DPYD: variants seen among roughly 807,000 people sequenced by gnomAD.
DPYD encodes dihydropyrimidine dehydrogenase [NADP(+)].
In DPYD, 109 loss-of-function variants were observed where a neutral mutation model predicts 116.2. The observed-to-expected ratio is 0.94, with a 90% CI of 0.80 to 1.10. The LOEUF is 1.10. Among genes scored for constraint, DPYD ranks in the 50% least tolerant of loss-of-function variants. DPYD has a pLI of 0.00. For synonymous variants in DPYD, 440 were observed against 432.0 expected, an observed-to-expected ratio of 1.02 and a Z score of -0.23; for missense variants, 1,302 against 1,254.5, an observed-to-expected ratio of 1.04 and a Z score of -0.57.
intron 20 of DPYD, among the ~76,000 whole-genome samples, chr1:97,187,874 T>G (rs931157504): frequency 6.6e-6 from 1 of 152,146 alleles, no homozygotes; most frequent in Non-Finnish European, 1.5e-5. Flanking sequence ...CAAAGGTCAG[T>G]TGACTGTAGA....
intron 20 of DPYD, among the ~76,000 whole-genome samples, chr1:97,115,061 A>G (rs1344680753): frequency 1.3e-5 from 2 of 152,192 alleles, no homozygotes; most frequent in Admixed American, 6.5e-5. Context: ...TTCACAACTG[A>G]AAAAAGGACC....
intron 2 of DPYD, among the ~76,000 whole-genome samples, chr1:97,840,581 T>C (rs1463507871): frequency 6.6e-6 from 1 of 152,160 alleles, no homozygotes; most frequent in Non-Finnish European, 1.5e-5. Context: ...AATTAAAATA[T>C]GTGAAGAAAA....
intron 2 of DPYD, among the ~76,000 whole-genome samples, chr1:97,880,585 G>C (rs1482523300): frequency 6.6e-6 from 1 of 151,684 alleles, no homozygotes; most frequent in East Asian, 2.0e-4. Context: ...ACAGACATCA[G>C]TGCAATAAAT....
At chr1:97,374,886 G>C (rs1444793465) in intron 15 of DPYD, among the ~76,000 whole-genome samples, 3 of 151,792 alleles carry the variant, frequency 2.0e-5, no homozygotes. Context: ...AAGATTAGCT[G>C]GGTGTGGCGG....
chr1:97,079,894 CCTCT>C (rs1649037258), intron 22 of DPYD, among the ~76,000 whole-genome samples: 1 of 151,972 alleles, frequency 6.6e-6, no homozygotes, highest in Non-Finnish European at 1.5e-5. Flanking sequence ...TCCCTCCCTT[CCTCT>C]CTTTTTCTTT....
Position 97,823,165 on chromosome 1 carries a change from T to G in DPYD, c.233+4949A>C, listed in dbSNP as rs189435356. ...TGTTTGTTTTGTTTTTTGTTTTTTG[T>G]TTTTTTTGAGACGGAGTCTCACTCT... On this transcript the variant is annotated intron_variant, in intron 3 of 22. Coordinates refer to ENST00000370192, the MANE Select transcript of DPYD (RefSeq NM_000110.4). Among the ~76,000 whole-genome samples the G allele has an allele frequency of 7.7e-3, 1,152 of 149,766 alleles. 12 individuals are homozygous for G. The highest frequency in any genetic ancestry group is 0.013 in the Non-Finnish European group (860 of 67,912).
intron 10 of DPYD, among the ~76,000 whole-genome samples, chr1:97,581,715 T>C (rs2811208): frequency 0.91 from 131,276 of 144,794 alleles, 60,535 homozygotes; most frequent in Non-Finnish European, 0.99. Flanking sequence ...CACTGCATTC[T>C]GGCCTTGGTG....
intron 8 of DPYD, among the ~76,000 whole-genome samples, chr1:97,597,474 T>C (rs1347480253): frequency 6.6e-6 from 1 of 152,204 alleles, no homozygotes; most frequent in Non-Finnish European, 1.5e-5. Flanking sequence ...ATTGTATAAG[T>C]TCCTGTGAAT....
chr1:97,369,039 C>A (rs1255157750), intron 16 of DPYD, among the ~76,000 whole-genome samples: 3 of 151,998 alleles, frequency 2.0e-5, no homozygotes, highest in African/African-American at 7.2e-5. Flanking sequence ...GAAGGTTCTG[C>A]AGGATGGAAG....
chr1:97,377,542 A>G (rs771272048), intron 15 of DPYD, among the ~76,000 whole-genome samples: 4 of 152,188 alleles, frequency 2.6e-5, no homozygotes, highest in Non-Finnish European at 5.9e-5. Context: ...AACTATCCTG[A>G]GAAATTCTTG....
intron 14 of DPYD, among the ~76,000 whole-genome samples, chr1:97,409,644 T>A (rs74106717): frequency 0.1 from 15,965 of 152,214 alleles, 1,082 homozygotes; most frequent in South Asian, 0.25. Context: ...AAAGCTTAGA[T>A]TCATTCACTG....
At chr1:97,523,790 C>T (rs1648858731) in intron 12 of DPYD, among the ~76,000 whole-genome samples, 2 of 151,984 alleles carry the variant, frequency 1.3e-5, no homozygotes, top group Admixed American at 6.6e-5. Flanking sequence ...GTCCTGTTGT[C>T]CTCTCCACTA....
intron 18 of DPYD, among the ~76,000 whole-genome samples, chr1:97,272,383 TAAG>T (rs1291884211): frequency 1.3e-5 from 2 of 152,122 alleles, no homozygotes; most frequent in African/African-American, 4.8e-5. Flanking sequence ...CTAAACATGT[TAAG>T]AAGTTCATTT....
intron 14 of DPYD, 118 bp downstream of exon 14, chr1:97,449,941 G>A: frequency 7.6e-7 from 1 of 1,324,008 alleles, no homozygotes; most frequent in Non-Finnish European, 1.1e-6. Flanking sequence ...CAAAGCAACT[G>A]GCAGATTCTT....
At chr1:97,397,273 G>A (rs1367653584) in intron 14 of DPYD, among the ~76,000 whole-genome samples, 2 of 151,908 alleles carry the variant, frequency 1.3e-5, no homozygotes, top group African/African-American at 4.8e-5. Flanking sequence ...TAGTAGTTAT[G>A]TAGTCATGTA....
At chr1:97,233,868 A>G (rs532032934) in intron 19 of DPYD, among the ~76,000 whole-genome samples, 1 of 152,168 alleles carries the variant, frequency 6.6e-6, no homozygotes, top group Non-Finnish European at 1.5e-5. Context: ...GAGAAAAGTA[A>G]ATCTATTCCA....
chr1:97,309,626 C>T (rs1281029946), intron 16 of DPYD, among the ~76,000 whole-genome samples: 1 of 151,406 alleles, frequency 6.6e-6, no homozygotes, highest in Non-Finnish European at 1.5e-5. Flanking sequence ...GCAAATTTGG[C>T]CTATTTGAAA....
intron 8 of DPYD, among the ~76,000 whole-genome samples, chr1:97,606,354 T>G (rs949538599): frequency 2.0e-5 from 3 of 151,824 alleles, no homozygotes; most frequent in Non-Finnish European, 4.4e-5. Flanking sequence ...AATAAAAAAA[T>G]TTAGAATAGA....
chr1:97,133,199 T>C (rs1653467424), intron 20 of DPYD, among the ~76,000 whole-genome samples: 1 of 152,092 alleles, frequency 6.6e-6, no homozygotes, highest in South Asian at 2.1e-4. Flanking sequence ...ATTATATTTT[T>C]CCCGAAATCT....
Sources: allele counts gnomAD v4.1 joint callset (sites outside exome capture counted in the v4.1 genomes callset), GRCh38; gene constraint gnomAD v4.1.1; transcripts MANE v1.5; gene names NCBI Gene and HGNC (gene_info 2026-07-23, HGNC 2026-07-21).